The following C7 variants were observed in gnomAD, a reference collection of about 807,000 sequenced individuals.
The protein encoded by C7 is complement C7.
In C7, 83 loss-of-function variants were observed where a neutral mutation model predicts 104.8. The ratio of observed to expected loss-of-function variants is 0.79; its 90% confidence interval spans 0.66 to 0.95. C7 has a LOEUF of 0.95. Among genes scored for constraint, C7 ranks in the 40% least tolerant of loss-of-function variants. The probability of loss-of-function intolerance (pLI) is 0.00; values close to 1 mark genes in which losing one functional copy is unlikely to be tolerated. For synonymous variants in C7, 415 were observed against 360.6 expected, an observed-to-expected ratio of 1.15 and a Z score of -1.71; for missense variants, 1,070 against 1,011.2, an observed-to-expected ratio of 1.06 and a Z score of -0.79.
chr5:40,909,563 A>T lies in C7; in HGVS notation c.-48A>T. 6.5e-7 allele frequency: 1 copy of T among 1,537,444 alleles called. No individual in the cohort carries two copies. The highest frequency in any genetic ancestry group is 8.9e-7 in the Non-Finnish European group (1 of 1,124,546). On this transcript the variant is annotated 5_prime_UTR_variant, in exon 1 of 18. Transcript: ENST00000313164. ...GCTGTTGAAAACTTACCCGGCCCTT[A>T]CAGAGGAAATCTTCCTCCTCTCTTC...
At chr5:40,913,957 G>T (rs1739263423) in intron 1 of C7, among the ~76,000 whole-genome samples, 1 of 152,112 alleles carries the variant, frequency 6.6e-6, no homozygotes, top group South Asian at 2.1e-4. Context: ...GGGATTACAG[G>T]CGTGAGTCAC....
intron 12 of C7, 85 bp downstream of exon 12, chr5:40,959,705 G>A: frequency 9.1e-7 from 1 of 1,101,528 alleles, no homozygotes; most frequent in Non-Finnish European, 1.2e-6. Context: ...CTGCTGTCGA[G>A]AGATTTAGAA....
In C7 at chr5:40,934,353, G is replaced by C. The variant is rs750162415; in HGVS notation, c.167G>C (p.Gly56Ala). The C allele has an allele frequency of 3.7e-6, 6 of 1,613,324 alleles. No individual in the cohort carries two copies. Among genetic ancestry groups the C allele is most frequent in the Non-Finnish European group, 8.5e-7 (1 of 1,179,518 alleles). ...CGCAGGCGGTCAGTTGCTGTGTATG[G>C]GCAGTATGGAGGCCAGCCTTGTGTT... The part of the protein sequence containing the change: ...QTRRRSVAVY[G>A]QYGGQPCVGN... The change falls in exon 4 of 18, where the codon GGG becomes GCG. Residue 56 changes from glycine to alanine, a missense_variant. Transcript: ENST00000313164.
chr5:40,962,135 G>T lies in C7; in HGVS notation c.1712G>T (p.Cys571Phe), dbSNP rs1193112497. 6.4e-7 allele frequency: 1 copy of T among 1,569,738 alleles called. No individual in the cohort carries two copies. Among genetic ancestry groups the T allele is most frequent in the Admixed American group, 1.8e-5 (1 of 56,624 alleles). ...TTGTCTTTGGTTCCAACAGAATTCT[G>T]TCCATCACCTCCTGCCTTGAAAGAT... ...FPLSLVPTEF[C>F]PSPPALKDGF... Residue 571 changes from cysteine to phenylalanine, a missense_variant, in exon 13 of 18, where the codon TGT (cysteine) becomes TTT (phenylalanine). Physicochemically the swap from Cys to Phe is radical, Grantham distance 205. Coordinates refer to ENST00000313164, the MANE Select transcript of C7 (RefSeq NM_000587.4).
chr5:40,974,696 G>A (rs1432821311), intron 15 of C7, among the ~76,000 whole-genome samples: 1 of 152,160 alleles, frequency 6.6e-6, no homozygotes, highest in African/African-American at 2.4e-5. Context: ...GGGATTACAG[G>A]CGTGAGCCAC....
chr5:40,924,297 C>G (rs1002891114), intron 1 of C7, among the ~76,000 whole-genome samples: 2 of 152,194 alleles, frequency 1.3e-5, no homozygotes, highest in Non-Finnish European at 2.9e-5. Context: ...TCTCCCTTGG[C>G]TCCAGGTTCC....
chr5:40,955,229 C>A (rs550459177), intron 9 of C7, among the ~76,000 whole-genome samples, 158 bp from the exon 10 acceptor site: 1 of 152,212 alleles, frequency 6.6e-6, no homozygotes, highest in Non-Finnish European at 1.5e-5. Context: ...CCCTAAATAT[C>A]CTTTGTGCTC....
intron 15 of C7, among the ~76,000 whole-genome samples, chr5:40,974,220 C>T (rs534114237): frequency 1.5e-3 from 222 of 152,186 alleles, no homozygotes; most frequent in African/African-American, 5.1e-3. Context: ...CTTTCCCCTA[C>T]TGTCCCCGTA....
chr5:40,929,577 A>G (rs1245240984), intron 2 of C7, among the ~76,000 whole-genome samples: 1 of 152,178 alleles, frequency 6.6e-6, no homozygotes, highest in Non-Finnish European at 1.5e-5. Context: ...GACTCAAGAT[A>G]TTGCCCAGCC....
chr5:40,945,406 CTT>C, intron 7 of C7, 38 bp downstream of exon 7: 1 of 1,431,328 alleles, frequency 7.0e-7, no homozygotes, highest in Non-Finnish European at 9.5e-7. Flanking sequence ...CCATGTTTTA[CTT>C]TTTTAAGTAT....
intron 10 of C7, among the ~76,000 whole-genome samples, chr5:40,955,975 T>C (rs988001879): frequency 2.0e-5 from 3 of 152,180 alleles, no homozygotes; most frequent in Admixed American, 1.3e-4. Context: ...AGTAGGATAG[T>C]AACAAGTTGG....
chr5:40,958,841 C>G (rs1740358707), intron 11 of C7, among the ~76,000 whole-genome samples: 1 of 152,154 alleles, frequency 6.6e-6, no homozygotes, highest in Non-Finnish European at 1.5e-5. Flanking sequence ...ACGCTCATTA[C>G]TTAAGGTCAG....
Position 40,925,131 on chromosome 5 carries a change from C to T in C7, c.7-3449C>T, listed in dbSNP as rs563654599. ...TTTTCAAACTTTTGTACTCTGCTTC[C>T]CTTTCATGTATAAATTCCAACTTTA... On this transcript the variant is annotated intron_variant, in intron 1 of 17. Transcript: ENST00000313164. Among the ~76,000 whole-genome samples, 7 of 152,276 alleles carry T rather than the reference C, an allele frequency of 4.6e-5. No homozygotes were observed. The South Asian group carries it at 1.5e-3, about 32-fold the overall frequency.
chr5:40,925,337 C>T (rs943849201), intron 1 of C7, among the ~76,000 whole-genome samples: 2 of 152,162 alleles, frequency 1.3e-5, no homozygotes, highest in Non-Finnish European at 2.9e-5. Flanking sequence ...TAAGACAAAA[C>T]CAGGTGACTT....
intron 12 of C7, among the ~76,000 whole-genome samples, 181 bp from the exon 13 acceptor site, chr5:40,961,904 G>C (rs943186465): frequency 3.3e-5 from 5 of 152,070 alleles, no homozygotes; most frequent in African/African-American, 9.7e-5. Flanking sequence ...TTGAGTTTAT[G>C]TTTGAGTTTT....
In C7 at chr5:40,976,800, C is replaced by A. The variant is rs375449752; in HGVS notation, c.2125C>A (p.Gln709Lys). Reference sequence around the variant, plus strand: ...TAAATGTCAGCGCTGGGAGAAACTGCAGAATTCAAGATGTGTTTGTAAAAT... The same window carrying A: ...TAAATGTCAGCGCTGGGAGAAACTGAAGAATTCAAGATGTGTTTGTAAAAT... ...VPKCQRWEKL[Q>K]NSRCVCKMPY... Residue 709 changes from glutamine (Q) to lysine (K), a missense_variant, in exon 16 of 18, where the codon CAG (glutamine) becomes AAG (lysine). Coordinates refer to ENST00000313164, the MANE Select transcript of C7 (RefSeq NM_000587.4). The A allele has an allele frequency of 2.5e-6, 4 of 1,607,296 alleles. No homozygotes were observed. The highest frequency in any genetic ancestry group is 3.4e-5 in the Admixed American group (2 of 59,216).
At chr5:40,949,277 G>A (rs1468916845) in intron 8 of C7, among the ~76,000 whole-genome samples, 9 of 150,316 alleles carry the variant, frequency 6.0e-5, no homozygotes, top group Admixed American at 5.3e-4. Context: ...AAACATTAAG[G>A]TTATTGTAAT....
rs377183749 is a variant in C7 at position 40,979,766 on chromosome 5, G to A, written c.2207G>A (p.Arg736Lys). The stretch of plus-strand genomic sequence containing the variant: ...TGTGCTCAAGATGAGAGAAGCAAAA[G>A]GATACTGCCTCTGACAGTTTGCAAG... ...DVCAQDERSKRILPLTVCKMH... is the reference protein window; with the variant it reads ...DVCAQDERSKKILPLTVCKMH... The change falls in exon 17 of 18, where the codon AGG becomes AAG. Residue 736 changes from arginine to lysine, a missense_variant. Transcript: ENST00000313164. 5.6e-6 allele frequency: 9 copies of A among 1,613,436 alleles called. No individual in the cohort carries two copies. Among genetic ancestry groups the A allele is most frequent in the African/African-American group, 1.3e-5 (1 of 74,886 alleles).
intron 9 of C7, among the ~76,000 whole-genome samples, chr5:40,950,936 G>A (rs889952361): frequency 2.0e-5 from 3 of 152,144 alleles, no homozygotes; most frequent in African/African-American, 7.2e-5. Flanking sequence ...ACCATGTTAA[G>A]GAGTTTGGAT....
Sources: allele counts gnomAD v4.1 joint callset (sites outside exome capture counted in the v4.1 genomes callset), GRCh38; gene constraint gnomAD v4.1.1; transcripts MANE v1.5; gene names NCBI Gene and HGNC (gene_info 2026-07-23, HGNC 2026-07-21).